TEX36: variants seen among roughly 807,000 people sequenced by gnomAD.
The protein encoded by TEX36 is testis expressed 36, also known as testis-expressed protein 36.
A neutral mutation model predicts 13.6 loss-of-function variants in TEX36; 12 were observed. The ratio of observed to expected loss-of-function variants is 0.88; its 90% CI spans 0.56 to 1.43. The LOEUF (loss-of-function observed/expected upper bound fraction) is 1.43. TEX36 is among the 40% of genes most tolerant of loss of function. The pLI is 0.00. For missense variants in TEX36, 224 were observed against 228.3 expected, an observed-to-expected ratio of 0.98 and a Z score of 0.12; for synonymous variants, 93 against 83.0, an observed-to-expected ratio of 1.12 and a Z score of -0.65.
chr10:125,618,971 A>G (rs886840605), downstream of TEX36, among the ~76,000 whole-genome samples: 4 of 126,110 alleles, frequency 3.2e-5, no homozygotes, highest in Non-Finnish European at 4.9e-5. Flanking sequence ...AAAAAAAAAA[A>G]TACAAAAAAT....
At chr10:125,588,227 G>C (rs867692155) in intron 3 of TEX36, among the ~76,000 whole-genome samples, 1 of 152,168 alleles carries the variant, frequency 6.6e-6, no homozygotes, top group Non-Finnish European at 1.5e-5. Flanking sequence ...ATTCCAAAAG[G>C]ATTGTATCCA....
rs9422939 is a variant in TEX36 at position 125,679,200 on chromosome 10, C to T, written c.51+3739G>A. Among the ~76,000 whole-genome samples the T allele has an allele frequency of 9.9e-3, 1,483 of 150,484 alleles. 26 individuals are homozygous for T. The highest frequency in any genetic ancestry group is 0.033 in the African/African-American group (1,363 of 40,692). On this transcript the variant is annotated intron_variant, in intron 1 of 3. Coordinates refer to ENST00000368821, the MANE Select transcript of TEX36 (RefSeq NM_001128202.3). ...AGTGTCAATTTGTGCCTCGCTCACACCCCAGTCTCCTGGCAGTGCTCACTA... is the reference window on the plus strand; with the variant it reads ...AGTGTCAATTTGTGCCTCGCTCACATCCCAGTCTCCTGGCAGTGCTCACTA...
chr10:125,657,946 T>C (rs1045024990), intron 3 of TEX36, among the ~76,000 whole-genome samples: 6 of 152,124 alleles, frequency 3.9e-5, no homozygotes, highest in African/African-American at 1.4e-4. Context: ...ACTTGTAGAA[T>C]ATCAGTAGAA....
chr10:125,636,203 AT>A (rs748673256), intron 3 of TEX36, among the ~76,000 whole-genome samples: 16,420 of 121,644 alleles, frequency 0.13, 1,686 homozygotes, highest in African/African-American at 0.37. Flanking sequence ...TGTTTGCTGA[AT>A]TTTTTTTTTT....
chr10:125,609,018 A>G (rs540004198), intron 3 of TEX36, among the ~76,000 whole-genome samples: 2 of 150,680 alleles, frequency 1.3e-5, no homozygotes, highest in East Asian at 3.9e-4. Flanking sequence ...AAAAAAGGAA[A>G]AAAATGAGCT....
intron 3 of TEX36, among the ~76,000 whole-genome samples, chr10:125,596,192 GC>G (rs1416591376): frequency 7.4e-6 from 1 of 135,094 alleles, no homozygotes; most frequent in East Asian, 2.6e-4. Flanking sequence ...GCCTTATACA[GC>G]AAAAGGGACT....
chr10:125,591,365 C>G (rs1846019459), intron 3 of TEX36, among the ~76,000 whole-genome samples: 1 of 152,176 alleles, frequency 6.6e-6, no homozygotes, highest in East Asian at 1.9e-4. Context: ...CCAAATCCCC[C>G]CAAACCCTTG....
At chr10:125,677,837 A>T (rs1847334360) in intron 1 of TEX36, among the ~76,000 whole-genome samples, 1 of 152,028 alleles carries the variant, frequency 6.6e-6, no homozygotes, top group Admixed American at 6.5e-5. Flanking sequence ...ATGCACCATC[A>T]TGCCCAGCTA....
At chr10:125,633,712 G>T (rs1303718640) in intron 3 of TEX36, among the ~76,000 whole-genome samples, 1 of 152,170 alleles carries the variant, frequency 6.6e-6, no homozygotes, top group Non-Finnish European at 1.5e-5. Flanking sequence ...CTGCTCACAT[G>T]ATGTTTGGAA....
Position 125,613,767 on chromosome 10 carries a change from A to C in TEX36, c.265-36893T>G, listed in dbSNP as rs563186860. Reference sequence around the variant, plus strand: ...CGTGTGCATGTGTCTTTATAGCAGCATGATTTATAGTCCTTTGGGTATATA... The same window carrying C: ...CGTGTGCATGTGTCTTTATAGCAGCCTGATTTATAGTCCTTTGGGTATATA... On this transcript the variant is annotated intron_variant, in intron 3 of 3. Transcript: ENST00000532135. Among the ~76,000 whole-genome samples, 1,416 of 152,192 alleles carry C rather than the reference A, an allele frequency of 9.3e-3. 11 individuals are homozygous for C. The highest frequency in any genetic ancestry group is 0.034 in the Middle Eastern group (10 of 292).
intron 3 of TEX36, among the ~76,000 whole-genome samples, chr10:125,587,498 C>T (rs980593345): frequency 6.6e-6 from 1 of 152,140 alleles, no homozygotes; most frequent in Admixed American, 6.6e-5. Context: ...CTTAGAGACA[C>T]TTTATACAGG....
chr10:125,640,012 A>G (rs371804437), intron 3 of TEX36: 1 of 262,938 alleles, frequency 3.8e-6, no homozygotes, highest in South Asian at 1.4e-4. Flanking sequence ...AGGAATTACA[A>G]CCATGTGTTC....
At chr10:125,609,519 TC>T (rs1282234659) in intron 3 of TEX36, among the ~76,000 whole-genome samples, 1 of 152,162 alleles carries the variant, frequency 6.6e-6, no homozygotes, top group African/African-American at 2.4e-5. Flanking sequence ...CAGGAAAACC[TC>T]CCATGCGGGA....
chr10:125,642,665 G>GC (rs1555003829), intron 3 of TEX36, among the ~76,000 whole-genome samples: 3 of 151,892 alleles, frequency 2.0e-5, no homozygotes, highest in Admixed American at 6.6e-5. Context: ...AGGTTTTTTT[G>GC]TTTTTTTGTG....
At chr10:125,661,178 G>A in intron 2 of TEX36, 77 bp from the exon 3 acceptor site, 1 of 1,208,608 alleles carries the variant, frequency 8.3e-7, no homozygotes, top group Non-Finnish European at 1.2e-6. Flanking sequence ...GGGTGATGTG[G>A]AAGGAAGATG....
intron 1 of TEX36, among the ~76,000 whole-genome samples, chr10:125,676,398 T>C (rs2133612484): frequency 6.6e-6 from 1 of 152,364 alleles, no homozygotes; most frequent in Non-Finnish European, 1.5e-5. Flanking sequence ...GTTCTTGACT[T>C]ACAGACTGTT....
chr10:125,646,980 A>G (rs773749211), intron 3 of TEX36, among the ~76,000 whole-genome samples: 2 of 152,166 alleles, frequency 1.3e-5, no homozygotes, highest in Non-Finnish European at 2.9e-5. Flanking sequence ...TAAAATAATA[A>G]TTGCAGAAGT....
chr10:125,637,953 A>G (rs987996725), intron 3 of TEX36, among the ~76,000 whole-genome samples: 24 of 150,952 alleles, frequency 1.6e-4, no homozygotes, highest in Admixed American at 3.3e-4. Context: ...GCCCCCTCCA[A>G]CTTCCCCTTG....
At chr10:125,649,752 A>T (rs1846825080) in intron 3 of TEX36, among the ~76,000 whole-genome samples, 1 of 152,248 alleles carries the variant, frequency 6.6e-6, no homozygotes. Flanking sequence ...CAGGAGACAT[A>T]TCTCAAGTGC....
Sources: allele counts gnomAD v4.1 joint callset (sites outside exome capture counted in the v4.1 genomes callset), GRCh38; gene constraint gnomAD v4.1.1; transcripts MANE v1.5; gene names NCBI Gene and HGNC (gene_info 2026-07-23, HGNC 2026-07-21).